The following FBN3 variants were observed in gnomAD, a reference collection of about 807,000 sequenced individuals.
FBN3 encodes the protein fibrillin-3.
FBN3 carries 234 observed loss-of-function variants against 330.1 expected under a neutral mutation model. That is an observed-to-expected ratio of 0.71 (90% confidence interval 0.64 to 0.79). FBN3 has a LOEUF of 0.79. Among genes scored for constraint, FBN3 ranks in the 30% least tolerant of loss-of-function variants. FBN3 has a pLI of 0.00. For missense variants in FBN3, 3,606 were observed against 3,886.9 expected (o/e 0.93, Z 1.92); for synonymous variants, 1,458 against 1,517.3 (o/e 0.96, Z 0.91).
intron 1 of FBN3, among the ~76,000 whole-genome samples, chr19:8,148,522 C>T (rs1484659609): frequency 6.6e-6 from 1 of 152,204 alleles, no homozygotes; most frequent in Non-Finnish European, 1.5e-5. Flanking sequence ...TCGCTCCTGC[C>T]CCCCTTGGCT....
At chr19:8,073,018 C>G in intron 62 of FBN3, 45 bp downstream of exon 62, 1 of 1,039,274 alleles carries the variant, frequency 9.6e-7, no homozygotes, top group Non-Finnish European at 1.5e-6. Context: ...CGTGCATGGA[C>G]GCTTGCGGGG....
In FBN3 at chr19:8,075,169, G is replaced by A. The variant is rs1364235818; in HGVS notation, c.7604C>T (p.Pro2535Leu). The A allele has an allele frequency of 6.4e-7, 1 of 1,569,710 alleles. No homozygotes were observed. Among genetic ancestry groups the A allele is most frequent in the Non-Finnish European group, 8.7e-7 (1 of 1,155,892 alleles). The part of the protein sequence containing the change: ...GCEDVNECDG[P>L]HRCQHGCQNQ... ...CTGACAGCCATGCTGGCAGCGGTGG[G>A]GCCCATCACATTCATTCACATCTGA... Residue 2535 changes from proline to leucine, a missense_variant, in exon 61 of 64, where the codon CCC becomes CTC. Physicochemically the swap from Pro to Leu is moderately conservative, Grantham distance 98. Coordinates refer to ENST00000600128, the MANE Select transcript of FBN3 (RefSeq NM_032447.5).
intron 40 of FBN3, among the ~76,000 whole-genome samples, chr19:8,102,282 G>A (rs534989230): frequency 1.1e-4 from 16 of 151,208 alleles, no homozygotes; most frequent in African/African-American, 3.6e-4. Flanking sequence ...TGGCATGATC[G>A]CGGCTCACTG....
chr19:8,088,284 T>C, intron 51 of FBN3, 105 bp from the exon 52 acceptor site: 1 of 1,373,166 alleles, frequency 7.3e-7, no homozygotes. Flanking sequence ...GGGGGCCAGA[T>C]CGAATGCACC....
intron 37 of FBN3, among the ~76,000 whole-genome samples, chr19:8,106,579 A>G (rs2082442310): frequency 6.6e-6 from 1 of 152,004 alleles, no homozygotes; most frequent in South Asian, 2.1e-4. Context: ...GGATGGATGA[A>G]TGGATGGATG....
At chr19:8,069,470 T>G (rs1301183809) in intron 63 of FBN3, among the ~76,000 whole-genome samples, 1 of 144,442 alleles carries the variant, frequency 6.9e-6, no homozygotes, top group Non-Finnish European at 1.5e-5. Flanking sequence ...TGAAAGTTAT[T>G]CCTGTTCCCC....
chr19:8,108,316 G>T, intron 36 of FBN3, 78 bp from the exon 37 acceptor site: 3 of 1,155,478 alleles, frequency 2.6e-6, no homozygotes, highest in Non-Finnish European at 3.8e-6. Context: ...ACAGCAGGAA[G>T]CCTGAAAAGG....
chr19:8,138,588 C>G, intron 8 of FBN3, 24 bp from the exon 9 acceptor site: 3 of 1,582,460 alleles, frequency 1.9e-6, no homozygotes, highest in Non-Finnish European at 2.6e-6. Flanking sequence ...GAGGGTGAGC[C>G]CATGAGCACA....
At chr19:8,123,018 C>G (rs543540746) in intron 24 of FBN3, among the ~76,000 whole-genome samples, 2 of 151,980 alleles carry the variant, frequency 1.3e-5, no homozygotes. Context: ...AATCACCTGC[C>G]CTAGGTCACA....
chr19:8,131,846 G>A lies in FBN3; in HGVS notation c.1715-17C>T, dbSNP rs752267158. The A allele has an allele frequency of 5.8e-5, 91 of 1,564,192 alleles. No homozygotes were observed. The highest frequency in any genetic ancestry group is 5.2e-4 in the Middle Eastern group (3 of 5,798). ...CGTCAATGTCTGCAGAAGCAGTGGC[G>A]GCACGGGGATGGGTTCCAGCGTGCT... On this transcript the variant is annotated splice_polypyrimidine_tract_variant and intron_variant, in intron 14 of 63. Transcript: ENST00000600128. The surrounding 1 kb of genome is among the most constrained non-coding windows in gnomAD (Gnocchi z 4.5).
At chr19:8,085,130 A>C (rs2081906842) in intron 56 of FBN3, among the ~76,000 whole-genome samples, 2 of 152,104 alleles carry the variant, frequency 1.3e-5, no homozygotes, top group African/African-American at 4.8e-5. Flanking sequence ...ACATACACAC[A>C]CATTGGCTCA....
chr19:8,127,335 A>T (rs1319298800), intron 18 of FBN3, among the ~76,000 whole-genome samples: 1 of 152,154 alleles, frequency 6.6e-6, no homozygotes, highest in Non-Finnish European at 1.5e-5. Context: ...TGCTGGGATT[A>T]TAGGCGTGAG....
Position 8,128,901 on chromosome 19 carries a change from G to T in FBN3, c.2296+127C>A, listed in dbSNP as rs182703428. 8.6e-4 allele frequency: 957 copies of T among 1,115,270 alleles called. 2 individuals carry two copies. The highest frequency in any genetic ancestry group is 1.1e-3 in the Non-Finnish European group (877 of 783,910). 69.1% of individuals were successfully genotyped at this position (1,115,270 alleles called of 1,614,324 possible). Reference sequence around the variant, plus strand: ...TGTGTGCACACTACATATAGCATGCGTGTGTGAATAGAGGTAACATGTAAG... The same window carrying T: ...TGTGTGCACACTACATATAGCATGCTTGTGTGAATAGAGGTAACATGTAAG... On this transcript the variant is annotated intron_variant, in intron 18 of 63. Coordinates refer to ENST00000600128, the MANE Select transcript of FBN3 (RefSeq NM_032447.5).
rs145811873 is a variant in FBN3, at chr19:8,145,003, T to TCCC, written c.446-34_446-32dup. On this transcript the variant is annotated intron_variant, in intron 5 of 63. Coordinates refer to ENST00000600128, the MANE Select transcript of FBN3 (RefSeq NM_032447.5). ...GAGGAGAGAGGGTGATGGCTGGAGG[T>TCCC]CCCCCAGCAGCAGAGAGAGCTGGGG... is the stretch of plus-strand genomic sequence containing the variant. 1.9e-3 allele frequency: 2,961 copies of TCCC among 1,563,530 alleles called. 48 individuals are homozygous for TCCC. The African/African-American group carries it at 0.036, about 19-fold the overall frequency.
chr19:8,097,006 T>C lies in FBN3; in HGVS notation c.5288A>G (p.Asp1763Gly). The C allele has an allele frequency of 6.2e-7, 1 of 1,612,504 alleles. No homozygotes were observed. The highest frequency in any genetic ancestry group is 8.5e-7 in the Non-Finnish European group (1 of 1,179,492). Residue 1763 changes from aspartate (D) to glycine (G), a missense_variant and splice_region_variant, in exon 43 of 64, where the codon GAT becomes GGT. Transcript: ENST00000600128. Reference protein sequence around the residue: ...NYNSILLACEDVDECGSRESP... With the variant: ...NYNSILLACEGVDECGSRESP... ...CTCCCTGCTGCCACACTCATCGACA[T>C]CTGGGAAAATACAGCAAATGAGGTG...
intron 63 of FBN3, among the ~76,000 whole-genome samples, chr19:8,067,020 T>TA (rs950186091): frequency 1.3e-5 from 2 of 151,520 alleles, no homozygotes; most frequent in South Asian, 2.1e-4. Context: ...CCTCTCAATC[T>TA]AAAAAAATAG....
intron 48 of FBN3, among the ~76,000 whole-genome samples, chr19:8,090,782 C>T (rs2082080331): frequency 6.6e-6 from 1 of 151,410 alleles, no homozygotes. Context: ...CCGCCCCTGG[C>T]CTGCCCTGGG....
At chr19:8,076,121 C>T (rs1210638606) in intron 59 of FBN3, among the ~76,000 whole-genome samples, 1 of 152,132 alleles carries the variant, frequency 6.6e-6, no homozygotes, top group African/African-American at 2.4e-5. Context: ...TGTCTGCAAA[C>T]CAAGAAGAGA....
In FBN3 at chr19:8,129,254, C is replaced by T. The variant is rs973687260; in HGVS notation, c.2156G>A (p.Gly719Asp). The T allele has an allele frequency of 6.2e-7, 1 of 1,614,094 alleles. No homozygotes were observed. The highest frequency in any genetic ancestry group is 8.5e-7 in the Non-Finnish European group (1 of 1,180,012). ...CNLGYEAGAS[G>D]KDCTDVDECA... The stretch of plus-strand genomic sequence containing the variant: ...GGCATGCTCACCTGTGCAGTCCTTG[C>T]CTGAGGCACCTGCCTCATAACCCAG... Residue 719 changes from glycine (G) to aspartate (D), a missense_variant, in exon 17 of 64, where the codon GGC (glycine) becomes GAC (aspartate). Transcript: ENST00000600128. This position sits in a 1 kb window ranked among gnomAD's most constrained non-coding sequence, Gnocchi z 4.5.
Sources: gnomAD v4.1 joint callset for allele counts (sites outside exome capture counted in the v4.1 genomes callset) on GRCh38, gnomAD v4.1.1 for gene constraint, Gnocchi (gnomAD v3.1) non-coding constraint, MANE v1.5 for transcripts, NCBI Gene and HGNC (gene_info 2026-07-23, HGNC 2026-07-21) for gene names.